PALLD: variants seen among roughly 807,000 people sequenced by gnomAD.
PALLD encodes the protein palladin, cytoskeletal associated protein.
Under a neutral mutation model 123.5 loss-of-function variants are expected in PALLD, and 61 were observed. That is an observed-to-expected ratio of 0.49 (90% confidence interval 0.40 to 0.61). The LOEUF is 0.61. PALLD is among the 20% of genes least tolerant of loss of function. The pLI, the probability that PALLD is intolerant of heterozygous loss-of-function variation, is 0.00. For missense variants in PALLD, 1,273 were observed against 1,377.0 expected (o/e 0.92, Z 1.20); for synonymous variants, 465 against 496.4 (o/e 0.94, Z 0.84).
chr4:168,744,066 G>A (rs932023387), intron 10 of PALLD, among the ~76,000 whole-genome samples: 22 of 152,142 alleles, frequency 1.4e-4, no homozygotes, highest in Non-Finnish European at 7.4e-5. Context: ...GCAAACAGAT[G>A]CTAGAAGCCA....
chr4:168,643,120 G>A (rs918603553), intron 2 of PALLD, among the ~76,000 whole-genome samples: 1 of 152,170 alleles, frequency 6.6e-6, no homozygotes, highest in African/African-American at 2.4e-5. Context: ...TGATACAAAT[G>A]TTGGATGACT....
intron 2 of PALLD, among the ~76,000 whole-genome samples, chr4:168,619,117 A>C (rs1306468297): frequency 6.6e-6 from 1 of 152,246 alleles, no homozygotes; most frequent in East Asian, 1.9e-4. Flanking sequence ...GAACATGCTC[A>C]CGGAGGTCAC....
intron 1 of PALLD, among the ~76,000 whole-genome samples, chr4:168,503,497 A>G (rs780935759): frequency 9.9e-5 from 15 of 152,032 alleles, no homozygotes; most frequent in Non-Finnish European, 1.6e-4. Context: ...AAATACAAAA[A>G]TTAGCCGGGC....
intron 10 of PALLD, among the ~76,000 whole-genome samples, chr4:168,878,946 A>G (rs748994610): frequency 1.2e-4 from 19 of 152,228 alleles, no homozygotes; most frequent in Non-Finnish European, 2.6e-4. Flanking sequence ...TATTAAGTAT[A>G]TACTTAGTGT....
At chr4:168,825,759 G>A (rs1025805731) in intron 10 of PALLD, among the ~76,000 whole-genome samples, 3 of 152,128 alleles carry the variant, frequency 2.0e-5, no homozygotes, top group Non-Finnish European at 4.4e-5. Context: ...GAGCAACAAT[G>A]GAATCATGGC....
At chr4:168,903,978 T>C in intron 15 of PALLD, 72 bp downstream of exon 15, 4 of 1,363,774 alleles carry the variant, frequency 2.9e-6, no homozygotes, top group South Asian at 2.3e-5. Context: ...ACAAAGGAAC[T>C]ATTTAAAAGG....
At chr4:168,715,524 C>T (rs574654340) in intron 10 of PALLD, among the ~76,000 whole-genome samples, 2 of 152,324 alleles carry the variant, frequency 1.3e-5, no homozygotes, top group South Asian at 2.1e-4. Flanking sequence ...AGGGAATGAG[C>T]GTAAACCTAA....
At chr4:168,635,076 C>T (rs1776208113) in intron 2 of PALLD, among the ~76,000 whole-genome samples, 1 of 152,198 alleles carries the variant, frequency 6.6e-6, no homozygotes, top group Non-Finnish European at 1.5e-5. Flanking sequence ...AGGTTTCTTT[C>T]TCATGTCAAG....
chr4:168,719,835 T>C (rs1177318739), intron 10 of PALLD, among the ~76,000 whole-genome samples: 2 of 152,176 alleles, frequency 1.3e-5, no homozygotes, highest in Non-Finnish European at 2.9e-5. Flanking sequence ...GTGGTATTTG[T>C]TTTTCTGTTC....
chr4:168,866,304 T>A (rs765577145), intron 10 of PALLD, among the ~76,000 whole-genome samples: 18 of 152,192 alleles, frequency 1.2e-4, no homozygotes, highest in Non-Finnish European at 2.1e-4. Context: ...AAACTATTTT[T>A]AAGAATTCAA....
At chr4:168,539,269 C>T (rs1301091318) in intron 2 of PALLD, among the ~76,000 whole-genome samples, 1 of 152,066 alleles carries the variant, frequency 6.6e-6, no homozygotes, top group Non-Finnish European at 1.5e-5. Flanking sequence ...TTTTCAGACC[C>T]CACGTCAAGG....
intron 2 of PALLD, among the ~76,000 whole-genome samples, chr4:168,578,183 A>T (rs961158176): frequency 6.6e-6 from 1 of 152,062 alleles, no homozygotes. Flanking sequence ...TACACCTTCC[A>T]TTAAGTTAGG....
intron 2 of PALLD, among the ~76,000 whole-genome samples, chr4:168,514,644 A>C (rs1222628835): frequency 1.3e-5 from 2 of 152,302 alleles, no homozygotes; most frequent in East Asian, 3.9e-4. Flanking sequence ...AGATTTTTTA[A>C]CCTATCAATC....
At chr4:168,830,231 C>CAAAA (rs1156711141) in intron 10 of PALLD, among the ~76,000 whole-genome samples, 1 of 73,228 alleles carries the variant, frequency 1.4e-5, no homozygotes, top group African/African-American at 5.1e-5. Flanking sequence ...GACTTTGTCT[C>CAAAA]AAAAAAAAAA....
In PALLD at chr4:168,804,460, T is replaced by G; in HGVS notation, c.1965-86462T>G. Among the ~76,000 whole-genome samples, 2 of 152,236 alleles carry G rather than the reference T, an allele frequency of 1.3e-5. 1 individual carries two copies. Among genetic ancestry groups the G allele is most frequent in the Non-Finnish European group, 2.9e-5 (2 of 68,042 alleles). ...ATAGTAGTTTAAAAAACTTTGACAG[T>G]TGTACTTAAAGTCCCTTCTCATCCT... On this transcript the variant is annotated intron_variant, in intron 10 of 21. Coordinates refer to ENST00000505667, the MANE Select transcript of PALLD (RefSeq NM_001166108.2).
chr4:168,833,226 G>T (rs1263907520), intron 10 of PALLD, among the ~76,000 whole-genome samples: 1 of 152,106 alleles, frequency 6.6e-6, no homozygotes, highest in Non-Finnish European at 1.5e-5. Flanking sequence ...TGCTGGGGAC[G>T]GAAGGGGGCG....
chr4:168,873,743 G>T (rs182534451), intron 10 of PALLD, among the ~76,000 whole-genome samples: 5 of 152,322 alleles, frequency 3.3e-5, no homozygotes, highest in African/African-American at 1.2e-4. Context: ...TCCAGGTTCT[G>T]CCCTTGGACA....
intron 2 of PALLD, among the ~76,000 whole-genome samples, chr4:168,619,315 C>T (rs1774523504): frequency 6.6e-6 from 1 of 152,162 alleles, no homozygotes; most frequent in Non-Finnish European, 1.5e-5. Flanking sequence ...CTGAATGAAA[C>T]CCAGTGGGCT....
rs70961531 is a variant in PALLD, at chr4:168,542,717, CATATATAT to C, written c.908+30344_908+30351del. 3.6e-3 allele frequency among the ~76,000 whole-genome samples: 317 copies of C among 88,848 alleles called. 4 individuals are homozygous for C. Among genetic ancestry groups the C allele is most frequent in the African/African-American group, 0.015 (260 of 16,796 alleles). 58.3% of individuals were successfully genotyped at this position (88,848 alleles called of 152,430 possible). A position where few individuals can be genotyped will look rare whatever the true frequency, so the allele number is the denominator to read the frequency against. ...ACATGTTTCTCCCAGCTAACCTTTC[CATATATAT>C]ATATATATATATATATATATATATA... On this transcript the variant is annotated intron_variant, in intron 2 of 21. Transcript: ENST00000505667.
Sources: allele counts gnomAD v4.1 joint callset (sites outside exome capture counted in the v4.1 genomes callset), GRCh38; gene constraint gnomAD v4.1.1; transcripts MANE v1.5; gene names NCBI Gene and HGNC (gene_info 2026-07-23, HGNC 2026-07-21).